TLK2: variants seen among roughly 807,000 people sequenced by gnomAD.
TLK2 encodes tousled like kinase 2.
TLK2 carries 6 observed loss-of-function variants against 117.3 expected under a neutral mutation model. The observed-to-expected ratio is 0.05, with a 90% CI of 0.03 to 0.10. TLK2 has a LOEUF of 0.10. Among genes scored for constraint, TLK2 ranks in the 10% least tolerant of loss-of-function variants. The probability of loss-of-function intolerance (pLI) is 1.00; values close to 1 mark genes in which losing one functional copy is unlikely to be tolerated. For synonymous variants in TLK2, 257 were observed against 316.7 expected, an observed-to-expected ratio of 0.81 and a Z score of 2.00; for missense variants, 299 against 901.2, an observed-to-expected ratio of 0.33 and a Z score of 8.56.
At chr17:62,531,369 T>A (rs139274825) in intron 6 of TLK2, among the ~76,000 whole-genome samples, 5 of 152,244 alleles carry the variant, frequency 3.3e-5, no homozygotes, top group Admixed American at 6.5e-5. Context: ...CTATTAGCTC[T>A]ATTGAATTGG....
chr17:62,524,023 T>A (rs2076216795), intron 5 of TLK2, among the ~76,000 whole-genome samples: 1 of 151,978 alleles, frequency 6.6e-6, no homozygotes, highest in Non-Finnish European at 1.5e-5. Context: ...GTTTTCTTTA[T>A]ATCTTGGTAT....
chr17:62,527,394 G>A (rs1442742849), intron 6 of TLK2, among the ~76,000 whole-genome samples: 5 of 151,884 alleles, frequency 3.3e-5, no homozygotes, highest in Admixed American at 6.6e-5. Flanking sequence ...TCTACAGTTC[G>A]CATGAATTTT....
At chr17:62,471,914 T>G (rs1385490857) in intron 1 of TLK2, among the ~76,000 whole-genome samples, 1 of 138,252 alleles carries the variant, frequency 7.2e-6, no homozygotes, top group Non-Finnish European at 1.6e-5. Flanking sequence ...TTTTTTTTTT[T>G]TTTAGACAGA....
chr17:62,473,358 C>T (rs1315456062), intron 1 of TLK2, among the ~76,000 whole-genome samples: 6 of 152,150 alleles, frequency 3.9e-5, no homozygotes, highest in Non-Finnish European at 8.8e-5. Flanking sequence ...TATTGTCAGG[C>T]ACTAGGCTAG....
intron 2 of TLK2, among the ~76,000 whole-genome samples, chr17:62,490,432 A>G (rs917830741): frequency 5.9e-5 from 9 of 152,180 alleles, no homozygotes; most frequent in Non-Finnish European, 1.0e-4. Context: ...CTTCTAATGT[A>G]TGGGGTGGCT....
intron 1 of TLK2, among the ~76,000 whole-genome samples, chr17:62,479,577 C>A (rs1335217794): frequency 6.6e-6 from 1 of 151,618 alleles, no homozygotes; most frequent in Non-Finnish European, 1.5e-5. Context: ...GCCTCCCGGG[C>A]GCCCCCGAGA....
At chr17:62,574,486 C>T in intron 12 of TLK2, 2 of 744,764 alleles carry the variant, frequency 2.7e-6, no homozygotes, top group South Asian at 3.2e-5. Flanking sequence ...ACTTGGAAAA[C>T]ATCTTCATTC....
upstream of TLK2, among the ~76,000 whole-genome samples, chr17:62,476,139 C>T (rs569700691): frequency 6.6e-5 from 10 of 152,018 alleles, no homozygotes; most frequent in African/African-American, 9.6e-5. Flanking sequence ...ACCACTATGC[C>T]GAGCTAATTT....
At chr17:62,560,341 G>A (rs574808946) in intron 10 of TLK2, 1 of 293,314 alleles carries the variant, frequency 3.4e-6, no homozygotes, top group South Asian at 7.3e-5. Context: ...ATTGCTTTGA[G>A]TGTGATATTG....
chr17:62,471,651 A>AACT (rs372830109), intron 1 of TLK2, among the ~76,000 whole-genome samples: 50,028 of 151,718 alleles, frequency 0.33, 8,477 homozygotes, highest in Admixed American at 0.4. Flanking sequence ...GGAGTATCAG[A>AACT]AAGAGTTCTA....
chr17:62,521,155 C>T (rs1051095240), intron 3 of TLK2, among the ~76,000 whole-genome samples: 1 of 152,134 alleles, frequency 6.6e-6, no homozygotes, highest in Admixed American at 6.6e-5. Context: ...GTGAGACCCC[C>T]ATCTCACAGA....
intron 2 of TLK2, among the ~76,000 whole-genome samples, chr17:62,485,010 G>A (rs530090748): frequency 1.6e-4 from 24 of 152,184 alleles, no homozygotes; most frequent in African/African-American, 5.3e-4. Flanking sequence ...GAGCCTGGGC[G>A]ACAGAGCAAG....
chr17:62,503,052 CTTTTTTTT>C (rs535547546), intron 2 of TLK2, among the ~76,000 whole-genome samples: 10 of 87,132 alleles, frequency 1.1e-4, no homozygotes, highest in African/African-American at 4.0e-4. Flanking sequence ...TTTGGCTTAA[CTTTTTTTT>C]TTTTTTTTTT....
At chr17:62,478,026 G>C (rs1317399498), upstream of TLK2, 2 of 152,158 alleles carry the variant, frequency 1.3e-5, no homozygotes, top group Non-Finnish European at 2.9e-5. Context: ...GCGGGGGCGG[G>C]GGCTCGGCTT....
chr17:62,604,254 G>T (rs150819824), intron 19 of TLK2, among the ~76,000 whole-genome samples: 187 of 152,064 alleles, frequency 1.2e-3, no homozygotes, highest in Admixed American at 2.0e-3. Context: ...TGATCCACCC[G>T]CCTCGGCCTC....
At chr17:62,583,166 A>G (rs750670749) in intron 15 of TLK2, among the ~76,000 whole-genome samples, 3 of 152,076 alleles carry the variant, frequency 2.0e-5, no homozygotes, top group Non-Finnish European at 4.4e-5. Flanking sequence ...ATCTCGGCTC[A>G]CTGCAACCTC....
chr17:62,525,637 G>A (rs1053142222), intron 6 of TLK2, among the ~76,000 whole-genome samples: 3 of 151,882 alleles, frequency 2.0e-5, no homozygotes, highest in Admixed American at 6.6e-5. Flanking sequence ...TTTTGTAGAG[G>A]CGTGGTTTCA....
chr17:62,547,316 G>A (rs2078021716), intron 7 of TLK2, among the ~76,000 whole-genome samples: 1 of 151,228 alleles, frequency 6.6e-6, no homozygotes, highest in Non-Finnish European at 1.5e-5. Context: ...AGGGATTAGA[G>A]TGATTAGGTG....
intron 2 of TLK2, among the ~76,000 whole-genome samples, chr17:62,512,527 A>G (rs1185013708): frequency 6.6e-6 from 1 of 152,044 alleles, no homozygotes; most frequent in Non-Finnish European, 1.5e-5. Flanking sequence ...CCTCTTTAGT[A>G]AAATGTCTAT....
Sources: allele counts gnomAD v4.1 joint callset (sites outside exome capture counted in the v4.1 genomes callset), GRCh38; gene constraint gnomAD v4.1.1; transcripts MANE v1.5; gene names NCBI Gene and HGNC (gene_info 2026-07-23, HGNC 2026-07-21).